PHACTR4: variants seen among roughly 807,000 people sequenced by gnomAD.
PHACTR4 encodes protein phosphatase 1, regulatory subunit 124.
PHACTR4 carries 51 observed loss-of-function variants against 72.7 expected under a neutral mutation model. The observed-to-expected ratio is 0.70, with a 90% CI of 0.56 to 0.89. PHACTR4 has a LOEUF of 0.89. PHACTR4 is among the 40% of genes least tolerant of loss of function. PHACTR4 has a pLI of 0.00. For missense variants in PHACTR4, 731 were observed against 861.8 expected (o/e 0.85, Z 1.90); for synonymous variants, 255 against 302.5 (o/e 0.84, Z 1.63).
chr1:28,463,132 G>A (rs1190703539), intron 4 of PHACTR4, among the ~76,000 whole-genome samples: 1 of 151,860 alleles, frequency 6.6e-6, no homozygotes, highest in Non-Finnish European at 1.5e-5. Flanking sequence ...CCAGAAGATT[G>A]AAGGCTGCAG....
chr1:28,462,853 A>G (rs1439166150), intron 4 of PHACTR4, among the ~76,000 whole-genome samples: 1 of 152,142 alleles, frequency 6.6e-6, no homozygotes, highest in Non-Finnish European at 1.5e-5. Flanking sequence ...ATAGATCTGC[A>G]TTTTAGGCCA....
chr1:28,472,008 GA>G (rs554312324), intron 6 of PHACTR4, among the ~76,000 whole-genome samples: 161 of 152,062 alleles, frequency 1.1e-3, no homozygotes, highest in African/African-American at 3.7e-3. Flanking sequence ...TCAGGAGATT[GA>G]GACCATCCTG....
chr1:28,465,934 G>C, intron 5 of PHACTR4, 85 bp downstream of exon 5: 1 of 1,329,468 alleles, frequency 7.5e-7, no homozygotes, highest in Non-Finnish European at 1.0e-6. Flanking sequence ...ACAGGGAAAA[G>C]TGAAATCTAG....
At chr1:28,436,621 CT>C (rs1656652984) in intron 2 of PHACTR4, among the ~76,000 whole-genome samples, 1 of 152,040 alleles carries the variant, frequency 6.6e-6, no homozygotes, top group Non-Finnish European at 1.5e-5. Flanking sequence ...CCTCTTTTAC[CT>C]TCAGATGTTA....
intron 2 of PHACTR4, among the ~76,000 whole-genome samples, chr1:28,458,726 CTAA>C: frequency 6.6e-6 from 1 of 152,314 alleles, no homozygotes; most frequent in East Asian, 1.9e-4. Context: ...GATTCACTCA[CTAA>C]TGAGGCAGGA....
chr1:28,404,820 GT>G (rs1290693348), intron 1 of PHACTR4, among the ~76,000 whole-genome samples: 1 of 152,066 alleles, frequency 6.6e-6, no homozygotes, highest in Non-Finnish European at 1.5e-5. Context: ...TGTTATATAG[GT>G]AAACTGTGTG....
intron 1 of PHACTR4, among the ~76,000 whole-genome samples, chr1:28,398,242 T>C (rs1653672937): frequency 6.6e-6 from 1 of 151,976 alleles, no homozygotes; most frequent in Non-Finnish European, 1.5e-5. Flanking sequence ...GTTGGGTGGC[T>C]GGCCGGGGTG....
At position 28,480,356 on chromosome 1, in the gene PHACTR4, T is replaced by C. The variant is rs1239052222; in HGVS notation, c.1607-95T>C. Reference sequence around the variant, plus strand: ...CCAGGTGGGAACTGGGAATTAAATATTGTATTTGTTCAGACTCTTGACTAG... The same window carrying C: ...CCAGGTGGGAACTGGGAATTAAATACTGTATTTGTTCAGACTCTTGACTAG... On this transcript the variant is annotated intron_variant, in intron 8 of 13. Coordinates refer to ENST00000373839, the MANE Select transcript of PHACTR4 (RefSeq NM_001048183.3). 2.2e-6 allele frequency: 3 copies of C among 1,393,798 alleles called. No individual in the cohort carries two copies. The African/African-American group carries it at 4.3e-5, about 20-fold the overall frequency. 86.3% of individuals were successfully genotyped at this position (1,393,798 alleles called of 1,614,324 possible). A position where few individuals can be genotyped will look rare whatever the true frequency, so the allele number is the denominator to read the frequency against.
At chr1:28,426,875 A>G (rs1244642402) in intron 2 of PHACTR4, among the ~76,000 whole-genome samples, 1 of 152,178 alleles carries the variant, frequency 6.6e-6, no homozygotes. Flanking sequence ...AGTGGGCTTT[A>G]AAAATCCTTT....
intron 2 of PHACTR4, among the ~76,000 whole-genome samples, chr1:28,416,394 G>A (rs1479988024): frequency 4.6e-5 from 7 of 152,148 alleles, no homozygotes; most frequent in Admixed American, 4.6e-4. Flanking sequence ...GTTTCTTCCA[G>A]TGGTTTTAAT....
At chr1:28,411,520 T>C (rs1473448366) in intron 2 of PHACTR4, among the ~76,000 whole-genome samples, 2 of 152,216 alleles carry the variant, frequency 1.3e-5, no homozygotes, top group Non-Finnish European at 2.9e-5. Flanking sequence ...TTACTATACA[T>C]ATACACACAT....
At chr1:28,392,198 G>A (rs191531861) in intron 1 of PHACTR4, among the ~76,000 whole-genome samples, 4 of 152,124 alleles carry the variant, frequency 2.6e-5, no homozygotes, top group East Asian at 3.9e-4. Flanking sequence ...CTCTCTTGCC[G>A]TCCTGCGTAT....
At chr1:28,382,740 G>A (rs934911375) in intron 1 of PHACTR4, among the ~76,000 whole-genome samples, 1 of 152,034 alleles carries the variant, frequency 6.6e-6, no homozygotes, top group Non-Finnish European at 1.5e-5. Context: ...GTAAGGAAGG[G>A]ATCCATTTTC....
intron 2 of PHACTR4, among the ~76,000 whole-genome samples, chr1:28,452,788 T>TC (rs1272859711): frequency 7.0e-6 from 1 of 141,976 alleles, no homozygotes; most frequent in Non-Finnish European, 1.5e-5. Context: ...AGAGTGAGAC[T>TC]CCATCTCAAA....
intron 2 of PHACTR4, among the ~76,000 whole-genome samples, chr1:28,420,837 A>G (rs896543531): frequency 6.6e-6 from 1 of 152,226 alleles, no homozygotes; most frequent in Non-Finnish European, 1.5e-5. Context: ...ATTTATTCCT[A>G]AATTTATTAT....
At chr1:28,456,683 C>G (rs1570013181) in intron 2 of PHACTR4, among the ~76,000 whole-genome samples, 1 of 150,492 alleles carries the variant, frequency 6.6e-6, no homozygotes, top group Admixed American at 6.6e-5. Context: ...GCTGGTCTTT[C>G]TTTACCTAAA....
rs945968519 is a variant in PHACTR4, at chr1:28,487,738, T to G, written c.1761-1432T>G. ...TGTAGTTTTTTGTTGTTTTTTTTTT[T>G]TTTTTTTTTTTTTTTGAGATGGAAT... is the stretch of plus-strand genomic sequence containing the variant. On this transcript the variant is annotated intron_variant, in intron 9 of 13. Coordinates refer to ENST00000373839, the MANE Select transcript of PHACTR4 (RefSeq NM_001048183.3). Among the ~76,000 whole-genome samples, 11 of 132,822 alleles carry G rather than the reference T, an allele frequency of 8.3e-5. 1 individual carries two copies. The highest frequency in any genetic ancestry group is 2.9e-4 in the African/African-American group (10 of 34,326). The allele number at this position is 132,822 out of a possible 152,430, so 87.1% of individuals were successfully genotyped here.
chr1:28,421,293 T>C (rs900736476), intron 2 of PHACTR4, among the ~76,000 whole-genome samples: 1 of 152,150 alleles, frequency 6.6e-6, no homozygotes, highest in Non-Finnish European at 1.5e-5. Context: ...CATGTTATAA[T>C]TGAGGCTTCC....
chr1:28,487,807 G>GCTCACTGCA (rs1260329631), intron 9 of PHACTR4, among the ~76,000 whole-genome samples: 1 of 126,106 alleles, frequency 7.9e-6, no homozygotes, highest in Non-Finnish European at 1.6e-5. Flanking sequence ...ATGAGCTTCA[G>GCTCACTGCA]CTCACTGCAA....
Sources: gnomAD v4.1 joint callset for allele counts (sites outside exome capture counted in the v4.1 genomes callset) on GRCh38, gnomAD v4.1.1 for gene constraint, MANE v1.5 for transcripts, NCBI Gene and HGNC (gene_info 2026-07-23, HGNC 2026-07-21) for gene names.